Variants in ZNF280D observed in about 807,000 individuals in gnomAD.
ZNF280D encodes suppressor of hairy wing homolog 4.
In ZNF280D, 39 loss-of-function variants were observed where a neutral mutation model predicts 94.7. The ratio of observed to expected loss-of-function variants is 0.41; its 90% CI spans 0.32 to 0.54. ZNF280D has a LOEUF of 0.54. ZNF280D is among the 20% of genes least tolerant of loss of function. The probability of loss-of-function intolerance (pLI) is 0.22; values close to 1 mark genes in which losing one functional copy is unlikely to be tolerated. For missense variants in ZNF280D, 1,090 were observed against 1,149.3 expected, an observed-to-expected ratio of 0.95 and a Z score of 0.75; for synonymous variants, 398 against 377.6, an observed-to-expected ratio of 1.05 and a Z score of -0.63.
rs766073708 is a variant in ZNF280D at position 56,689,128 on chromosome 15, C to T, written c.693G>A (p.Gln231=). ...LAKGTNTSSN[Q]SKNGTPFPRA... is the part of the protein sequence containing the mutation. ...TTGGAAAAGGTGTTCCATTTTTAGA[C>T]TGATTTGATGAGGTATTTGTACCTA... is the stretch of plus-strand genomic sequence containing the variant. Residue 231 remains glutamine, a synonymous_variant, in exon 9 of 22, where the codon CAG becomes CAA. Coordinates refer to ENST00000267807, the MANE Select transcript of ZNF280D (RefSeq NM_017661.4). The T allele has an allele frequency of 6.8e-5, 109 of 1,609,634 alleles. 1 individual carries two copies. In the South Asian group the frequency reaches 1.2e-3, roughly 17 times the overall value.
At chr15:56,731,554 G>GC in intron 1 of ZNF280D, among the ~76,000 whole-genome samples, 1 of 147,594 alleles carries the variant, frequency 6.8e-6, no homozygotes, top group East Asian at 2.0e-4. Context: ...TTGAAGAAAT[G>GC]GGGGGAAATG....
chr15:56,669,890 A>AT (rs1366447484), intron 13 of ZNF280D, among the ~76,000 whole-genome samples: 1 of 6,620 alleles, frequency 1.5e-4, no homozygotes, highest in African/African-American at 6.3e-4. Context: ...TATATATATT[A>AT]TATATATATA....
chr15:56,648,233 A>G (rs1426804705), intron 19 of ZNF280D, among the ~76,000 whole-genome samples: 1 of 152,138 alleles, frequency 6.6e-6, no homozygotes, highest in Non-Finnish European at 1.5e-5. Flanking sequence ...TCACTGCTAA[A>G]TTAATCCTAC....
At position 56,707,167 on chromosome 15, in the gene ZNF280D, G is replaced by A. The variant is rs1343587973; in HGVS notation, c.-41-17C>T. 1.9e-6 allele frequency: 3 copies of A among 1,612,602 alleles called. No individual in the cohort carries two copies. The highest frequency in any genetic ancestry group is 2.5e-6 in the Non-Finnish European group (3 of 1,179,332). ...ACCTAAGTACTGACACATGATATCA[G>A]TCAATTTAATGAGTCACTTTAAGTA... On this transcript the variant is annotated splice_polypyrimidine_tract_variant and intron_variant, in intron 2 of 21. Coordinates refer to ENST00000267807, the MANE Select transcript of ZNF280D (RefSeq NM_017661.4).
At chr15:56,688,990 T>G in intron 9 of ZNF280D, 51 bp downstream of exon 9, 3 of 1,237,700 alleles carry the variant, frequency 2.4e-6, no homozygotes, top group Non-Finnish European at 3.5e-6. Flanking sequence ...ATCATCAGTA[T>G]TTTTAGAAAT....
intron 19 of ZNF280D, among the ~76,000 whole-genome samples, chr15:56,651,067 T>C (rs1596352913): frequency 6.6e-6 from 1 of 152,210 alleles, no homozygotes; most frequent in African/African-American, 2.4e-5. Flanking sequence ...GTAAGTTCCA[T>C]AAGAGCAGAG....
intron 16 of ZNF280D, among the ~76,000 whole-genome samples, chr15:56,664,503 G>T (rs2054160582): frequency 6.6e-6 from 1 of 152,244 alleles, no homozygotes; most frequent in South Asian, 2.1e-4. Flanking sequence ...AGATTTTTAA[G>T]ATTAATGTCT....
At chr15:56,706,467 G>C (rs2057409519) in intron 3 of ZNF280D, among the ~76,000 whole-genome samples, 1 of 151,938 alleles carries the variant, frequency 6.6e-6, no homozygotes, top group Non-Finnish European at 1.5e-5. Context: ...GACAGAGTGA[G>C]AATCTGTCTC....
Position 56,631,670 on chromosome 15 carries a change from G to A in ZNF280D, c.2768C>T (p.Pro923Leu). 5 of 1,614,124 alleles carry A rather than the reference G, an allele frequency of 3.1e-6. No homozygotes were observed. Among genetic ancestry groups the A allele is most frequent in the Non-Finnish European group, 4.2e-6 (5 of 1,180,018 alleles). Residue 923 changes from proline (P) to leucine (L), a missense_variant, in exon 22 of 22, where the codon CCA (proline) becomes CTA (leucine). Transcript: ENST00000267807. ...GGCTTCATACTCAAGTACCTCGGAT[G>A]GAGTCAGAGGTTCCAAATGAATACT... is the stretch of plus-strand genomic sequence containing the variant. ...QGSIHLEPLT[P>L]SEVLEYEATE... is the part of the protein sequence containing the mutation.
intron 1 of ZNF280D, among the ~76,000 whole-genome samples, chr15:56,731,435 A>G (rs529516225): frequency 7.1e-6 from 1 of 140,442 alleles, no homozygotes; most frequent in Non-Finnish European, 1.5e-5. Context: ...CCCAGGAAGG[A>G]GGTCAAGGAT....
chr15:56,648,409 T>C (rs2053023142), intron 19 of ZNF280D, among the ~76,000 whole-genome samples: 1 of 151,990 alleles, frequency 6.6e-6, no homozygotes, highest in Non-Finnish European at 1.5e-5. Context: ...CTGCCTACCC[T>C]TCTGCAGAAA....
intron 13 of ZNF280D, among the ~76,000 whole-genome samples, chr15:56,671,899 C>T (rs2140924985): frequency 6.6e-6 from 1 of 152,120 alleles, no homozygotes; most frequent in South Asian, 2.1e-4. Context: ...CATTCACTTC[C>T]CTTGTTAATT....
chr15:56,639,918 C>T (rs1190064147), intron 20 of ZNF280D, among the ~76,000 whole-genome samples: 2 of 151,660 alleles, frequency 1.3e-5, no homozygotes, highest in African/African-American at 2.4e-5. Context: ...TAAGTTGAGG[C>T]GGGGAGTCTG....
intron 1 of ZNF280D, among the ~76,000 whole-genome samples, chr15:56,717,442 G>C (rs141430239): frequency 7.9e-5 from 12 of 152,132 alleles, no homozygotes; most frequent in Admixed American, 2.0e-4. Context: ...ACTTTGTGTG[G>C]CTCAAGTAAT....
Position 56,643,126 on chromosome 15 carries a change from A to G in ZNF280D, c.2214-129T>C, listed in dbSNP as rs1349347569. The G allele has an allele frequency of 5.6e-6, 3 of 535,490 alleles. No homozygotes were observed. The Admixed American group carries it at 1.3e-4, about 22-fold the overall frequency. The allele number at this position is 535,490 out of a possible 1,614,324, so 33.2% of individuals were successfully genotyped here. On this transcript the variant is annotated intron_variant, in intron 19 of 21. Transcript: ENST00000267807. Reference sequence around the variant, plus strand: ...AAACTAATGTACATTTTATACTTTAATAGTAAATTGACCTCTGTAAATGTT... The same window carrying G: ...AAACTAATGTACATTTTATACTTTAGTAGTAAATTGACCTCTGTAAATGTT...
intron 1 of ZNF280D, among the ~76,000 whole-genome samples, chr15:56,709,277 A>G (rs1273369771): frequency 6.6e-5 from 10 of 152,306 alleles, no homozygotes; most frequent in Admixed American, 2.6e-4. Flanking sequence ...ATCACTGGCT[A>G]TCAGAGAAAT....
chr15:56,693,579 C>T (rs1284549940), intron 6 of ZNF280D, among the ~76,000 whole-genome samples: 2 of 151,724 alleles, frequency 1.3e-5, no homozygotes, highest in African/African-American at 4.8e-5. Flanking sequence ...GATTGATACA[C>T]TTTAGATGAC....
At chr15:56,674,312 A>C (rs1221769303) in intron 13 of ZNF280D, among the ~76,000 whole-genome samples, 2 of 152,100 alleles carry the variant, frequency 1.3e-5, no homozygotes, top group African/African-American at 4.8e-5. Context: ...TTATGTATGC[A>C]TGCATCTCAA....
At chr15:56,679,902 A>G (rs1293462308) in intron 10 of ZNF280D, among the ~76,000 whole-genome samples, 5 of 152,224 alleles carry the variant, frequency 3.3e-5, no homozygotes, top group African/African-American at 1.2e-4. Flanking sequence ...CTTACAAAAA[A>G]TCCTGGTCGT....
Sources: allele counts gnomAD v4.1 joint callset (sites outside exome capture counted in the v4.1 genomes callset), GRCh38; gene constraint gnomAD v4.1.1; transcripts MANE v1.5; gene names NCBI Gene and HGNC (gene_info 2026-07-23, HGNC 2026-07-21).